Variants in CFAP99 observed in about 807,000 individuals in gnomAD.
CFAP99 encodes cilia and flagella associated protein 99.
CFAP99 carries 84 observed loss-of-function variants against 82.7 expected under a neutral mutation model. The ratio of observed to expected loss-of-function variants is 1.02; its 90% confidence interval spans 0.85 to 1.22. The LOEUF is 1.22. Among genes scored for constraint, CFAP99 ranks in the 50% most tolerant of loss-of-function variants. The probability of loss-of-function intolerance (pLI) is 0.00; values close to 1 mark genes in which losing one functional copy is unlikely to be tolerated. For missense variants in CFAP99, 1,059 were observed against 983.5 expected (o/e 1.08, Z -1.03); for synonymous variants, 456 against 429.5 (o/e 1.06, Z -0.76).
chr4:2,440,815 C>T (rs1180496877), intron 4 of CFAP99, among the ~76,000 whole-genome samples: 3 of 151,804 alleles, frequency 2.0e-5, no homozygotes, highest in South Asian at 2.1e-4. Flanking sequence ...AGGATGGTCT[C>T]GATCTCCTGA....
chr4:2,446,524 C>A lies in CFAP99; in HGVS notation c.642+1216C>A, dbSNP rs2108727752. 6.6e-6 allele frequency among the ~76,000 whole-genome samples: 1 copy of A among 152,264 alleles called. No homozygotes were observed. The highest frequency in any genetic ancestry group is 2.1e-4 in the South Asian group (1 of 4,816). On this transcript the variant is annotated intron_variant, in intron 6 of 14. Coordinates refer to ENST00000635017, the Ensembl canonical transcript of CFAP99. The surrounding 1 kb of genome is among the most constrained non-coding windows in gnomAD (Gnocchi z 5.0). ...TCTCCTGCCTCAGCCCCCCGAGTAG[C>A]TGGGATTACAGGTACCGGCCACCAC...
intron 4 of CFAP99, among the ~76,000 whole-genome samples, chr4:2,440,740 C>A (rs1203188139): frequency 6.6e-6 from 1 of 151,734 alleles, no homozygotes; most frequent in Non-Finnish European, 1.5e-5. Context: ...CTACAGGCGC[C>A]CGCCACCACA....
chr4:2,454,581 C>CTT (rs200727697), intron 11 of CFAP99, among the ~76,000 whole-genome samples: 12 of 94,718 alleles, frequency 1.3e-4, no homozygotes, highest in African/African-American at 3.3e-4. Flanking sequence ...TGTTTTTTTT[C>CTT]TTTTTTTTTT....
chr4:2,451,034 G>C lies in CFAP99; in HGVS notation c.867+16G>C. 6.5e-7 allele frequency: 1 copy of C among 1,534,394 alleles called. No individual in the cohort carries two copies. Among genetic ancestry groups the C allele is most frequent in the Non-Finnish European group, 8.7e-7 (1 of 1,146,042 alleles). On this transcript the variant is annotated intron_variant, in intron 9 of 14. Coordinates refer to ENST00000635017, the Ensembl canonical transcript of CFAP99. Reference sequence around the variant, plus strand: ...CTTCTATAGGGTGAGGGGTGCTCCTGGATGGTCAGGCTGCTCTCCCTGGGC... The same window carrying C: ...CTTCTATAGGGTGAGGGGTGCTCCTCGATGGTCAGGCTGCTCTCCCTGGGC...
chr4:2,438,122 C>G lies in CFAP99; in HGVS notation c.309C>G (p.Phe103Leu). 2.6e-6 allele frequency: 4 copies of G among 1,535,630 alleles called. No homozygotes were observed. In the South Asian group the frequency reaches 3.6e-5, roughly 14 times the overall value. ...TGGAGGAACTCGGCTTCCAGCTATT[C>G]TGTAACATCATCAAGTCCCAGCCCG... is the stretch of plus-strand genomic sequence containing the variant. Residue 103 changes from phenylalanine (F) to leucine (L), a missense_variant, in exon 4 of 15, where the codon TTC becomes TTG. By Grantham distance (22) the Phe-to-Leu change is conservative (BLOSUM62 0). Coordinates refer to ENST00000635017, the Ensembl canonical transcript of CFAP99.
rs1264011406 is a variant in CFAP99, at chr4:2,462,915, G to T, written c.2134G>T (p.Glu712Ter). The T allele has an allele frequency of 2.3e-6, 3 of 1,302,378 alleles. No individual in the cohort carries two copies. Among genetic ancestry groups the T allele is most frequent in the African/African-American group, 3.1e-5 (2 of 64,414 alleles). The allele number at this position is 1,302,378 out of a possible 1,614,324, so 80.7% of individuals were successfully genotyped here. A position where few individuals can be genotyped will look rare whatever the true frequency, so the allele number is the denominator to read the frequency against. ...AGGACCCGGGCCCGCGCGCCGCCTG[G>T]AGGCCGCCTGAGCCGGGCCGAGCGC... is the stretch of plus-strand genomic sequence containing the variant. Residue 712 changes from glutamate (E) to a stop codon, truncating the protein, a stop_gained, in exon 15 of 15, where the codon GAG becomes TAG. Transcript: ENST00000635017. LOFTEE classifies it high-confidence loss of function. This position sits in a 1 kb window ranked among gnomAD's most constrained non-coding sequence, Gnocchi z 4.1.
In CFAP99 at chr4:2,445,582, C is replaced by T. The variant is rs550383472; in HGVS notation, c.642+274C>T. ...GTGGAGCTGTCAGGCCATGGGGCTC[C>T]GACCTGTCGGGAGTTGGAGCTTGGA... On this transcript the variant is annotated intron_variant, in intron 6 of 14. Coordinates refer to ENST00000635017, the Ensembl canonical transcript of CFAP99. Among the ~76,000 whole-genome samples, 6 of 152,242 alleles carry T rather than the reference C, an allele frequency of 3.9e-5. No homozygotes were observed. The East Asian group carries it at 5.8e-4, about 15-fold the overall frequency.
intron 2 of CFAP99, 145 bp downstream of exon 2, chr4:2,426,731 T>G: frequency 1.6e-6 from 1 of 632,532 alleles, no homozygotes; most frequent in Non-Finnish European, 2.8e-6. Context: ...AGAGACCTGC[T>G]CTTCGTATGG....
rs947898386 is a variant in CFAP99 at position 2,434,235 on chromosome 4, G to T, written c.112-2639G>T. Among the ~76,000 whole-genome samples, 15 of 152,328 alleles carry T rather than the reference G, an allele frequency of 9.8e-5. No homozygotes were observed. The South Asian group carries it at 2.9e-3, about 29-fold the overall frequency. ...GCAGGATCGAGGTTTCTGAGTTCAGGGATTGAGTTCAGGGAGCGGGGCCAG... is the reference window on the plus strand; with the variant it reads ...GCAGGATCGAGGTTTCTGAGTTCAGTGATTGAGTTCAGGGAGCGGGGCCAG... On this transcript the variant is annotated intron_variant, in intron 2 of 14. Coordinates refer to ENST00000635017, the Ensembl canonical transcript of CFAP99.
exon 13 of CFAP99, chr4:2,459,177 G>T (rs1407184652): frequency 6.5e-7 from 1 of 1,535,628 alleles, no homozygotes; most frequent in South Asian, 1.2e-5. Flanking sequence ...AGGAGCAGCG[G>T]CGCCGTTGTG....
At chr4:2,438,883 C>G (rs1020085111) in intron 4 of CFAP99, among the ~76,000 whole-genome samples, 2 of 152,252 alleles carry the variant, frequency 1.3e-5, no homozygotes, top group Non-Finnish European at 2.9e-5. Flanking sequence ...GGGGCCTCTT[C>G]TGACTCATAA....
rs756663514 is a variant in CFAP99 at position 2,432,443 on chromosome 4, C to T, written c.112-4431C>T. Among the ~76,000 whole-genome samples the T allele has an allele frequency of 4.6e-5, 7 of 152,204 alleles. No individual in the cohort carries two copies. In the East Asian group the frequency reaches 9.6e-4, roughly 21 times the overall value. On this transcript the variant is annotated intron_variant, in intron 2 of 14. Coordinates refer to ENST00000635017, the Ensembl canonical transcript of CFAP99. ...CATTCTTTCTGTTAAGTGAGAAGTG[C>T]GGCCCTGCAGCCTCCGTTTCCTTTG...
At chr4:2,449,876 G>T in intron 7 of CFAP99, 58 bp from the exon 8 acceptor site, 1 of 1,531,090 alleles carries the variant, frequency 6.5e-7, no homozygotes, top group Non-Finnish European at 8.8e-7. Flanking sequence ...TCCTCCCATG[G>T]CCTGGAGGAC....
chr4:2,437,117 A>G (rs1733933264), intron 3 of CFAP99, 99 bp downstream of exon 3: 3 of 1,406,474 alleles, frequency 2.1e-6, no homozygotes, highest in Admixed American at 2.1e-5. Flanking sequence ...AGGCGGGGCC[A>G]GCTCCTCCTT....
intron 11 of CFAP99, among the ~76,000 whole-genome samples, chr4:2,454,595 T>TCTTTTTTTTTTTTTC (rs1734384707): frequency 1.9e-5 from 2 of 107,950 alleles, no homozygotes; most frequent in Non-Finnish European, 3.6e-5. Flanking sequence ...TTTTTTTTTG[T>TCTTTTTTTTTTTTTC]TTTTTTTTTT....
intron 2 of CFAP99, 87 bp downstream of exon 2, chr4:2,426,673 A>T (rs1733691769): frequency 1.2e-6 from 1 of 831,500 alleles, no homozygotes; most frequent in East Asian, 2.7e-5. Context: ...ATGCCTTCCT[A>T]ACGACTGCCT....
At position 2,438,102 on chromosome 4, in the gene CFAP99, G is replaced by T; in HGVS notation, c.289G>T (p.Glu97Ter). Reference sequence around the variant, plus strand: ...CTACCTAGCCACATTCCTGCTGGAGGAACTCGGCTTCCAGCTATTCTGTAA... The same window carrying T: ...CTACCTAGCCACATTCCTGCTGGAGTAACTCGGCTTCCAGCTATTCTGTAA... The change falls in exon 4 of 15, where the codon GAA becomes TAA. Residue 97 changes from glutamate (E) to a stop codon, truncating the protein, a stop_gained. Transcript: ENST00000635017. LOFTEE classifies it high-confidence loss of function. 6.5e-7 allele frequency: 1 copy of T among 1,535,508 alleles called. No homozygotes were observed. The highest frequency in any genetic ancestry group is 8.7e-7 in the Non-Finnish European group (1 of 1,146,532).
chr4:2,424,930 T>A (rs1351100323), intron 1 of CFAP99, among the ~76,000 whole-genome samples: 3 of 152,176 alleles, frequency 2.0e-5, no homozygotes, highest in African/African-American at 7.2e-5. Context: ...TCTTGTTATT[T>A]CTCTCTCTTG....
exon 6 of CFAP99, chr4:2,445,194 T>C: frequency 6.9e-7 from 1 of 1,447,362 alleles, no homozygotes; most frequent in Non-Finnish European, 9.1e-7. Flanking sequence ...GTCAATCCTC[T>C]CCTTTAAAGA....
Sources: allele counts gnomAD v4.1 joint callset (sites outside exome capture counted in the v4.1 genomes callset), GRCh38; gene constraint gnomAD v4.1.1; non-coding constraint Gnocchi (gnomAD v3.1); transcripts MANE v1.5; gene names NCBI Gene and HGNC (gene_info 2026-07-23, HGNC 2026-07-21).